Variants in NUP58 observed in about 807,000 individuals in gnomAD.
NUP58 encodes nucleoporin p58/p45.
In NUP58, 17 loss-of-function variants were observed where a neutral mutation model predicts 70.1. That is an observed-to-expected ratio of 0.24 (90% confidence interval 0.17 to 0.36). The LOEUF (loss-of-function observed/expected upper bound fraction) is 0.36. Among genes scored for constraint, NUP58 ranks in the 10% least tolerant of loss-of-function variants. The pLI, the probability that NUP58 is intolerant of heterozygous loss-of-function variation, is 1.00. For synonymous variants in NUP58, 275 were observed against 257.6 expected (o/e 1.07, Z -0.65); for missense variants, 644 against 701.5 (o/e 0.92, Z 0.93).
At chr13:25,349,320 G>T (rs1287222103) in intron 3 of NUP58, among the ~76,000 whole-genome samples, 3 of 152,116 alleles carry the variant, frequency 2.0e-5, no homozygotes, top group African/African-American at 7.2e-5. Flanking sequence ...TATAGGCCTT[G>T]GAACCATGCT....
At chr13:25,310,053 T>TC in intron 3 of NUP58, 1 of 397,252 alleles carries the variant, frequency 2.5e-6, no homozygotes, top group Non-Finnish European at 5.0e-6. Context: ...TGCTTTTTTT[T>TC]CCCCTATCAG....
intron 13 of NUP58, chr13:25,335,668 A>C (rs1035187266): frequency 2.0e-6 from 2 of 985,158 alleles, no homozygotes; most frequent in African/African-American, 3.5e-5. Flanking sequence ...CGAAAAGTCC[A>C]GTTTCTGTCC....
intron 9 of NUP58, among the ~76,000 whole-genome samples, chr13:25,321,726 G>C (rs543251729): frequency 6.6e-6 from 1 of 152,262 alleles, no homozygotes; most frequent in African/African-American, 2.4e-5. Context: ...AGACCAGTCT[G>C]ACCAACATGC....
chr13:25,326,112 CATACTT>C (rs1249514060), intron 10 of NUP58, among the ~76,000 whole-genome samples: 1 of 152,172 alleles, frequency 6.6e-6, no homozygotes, highest in African/African-American at 2.4e-5. Flanking sequence ...AGGATATTCT[CATACTT>C]AACAGTTCTC....
chr13:25,332,813 C>A (rs1184062494), intron 13 of NUP58: 1 of 985,402 alleles, frequency 1.0e-6, no homozygotes, highest in African/African-American at 1.7e-5. Flanking sequence ...GGGAAAAAGT[C>A]ATTATGGGAT....
intron 14 of NUP58, among the ~76,000 whole-genome samples, chr13:25,337,495 A>G (rs1208284006): frequency 1.3e-5 from 2 of 152,166 alleles, no homozygotes; most frequent in Non-Finnish European, 2.9e-5. Flanking sequence ...TTCTAAGCAC[A>G]TTTGGCAAAT....
At chr13:25,315,609 T>C in intron 6 of NUP58, 142 bp downstream of exon 6, 1 of 592,310 alleles carries the variant, frequency 1.7e-6, no homozygotes, top group Non-Finnish European at 3.0e-6. Flanking sequence ...TACGAATATG[T>C]ATTTTTTAAT....
At chr13:25,348,404 ATGTT>A (rs1415827761) in intron 3 of NUP58, among the ~76,000 whole-genome samples, 1 of 152,136 alleles carries the variant, frequency 6.6e-6, no homozygotes, top group African/African-American at 2.4e-5. Flanking sequence ...ATATTTCAAA[ATGTT>A]TGTTTCCTTG....
rs372072224 is a variant in NUP58, at chr13:25,313,603, T to A, written c.437-11T>A. Reference sequence around the variant, plus strand: ...TTGCCTTTTGAAAGCTTACTATCTCTCTTTTTATAGCATCCACAGGATTTA... The same window carrying A: ...TTGCCTTTTGAAAGCTTACTATCTCACTTTTTATAGCATCCACAGGATTTA... On this transcript the variant is annotated splice_polypyrimidine_tract_variant and intron_variant, in intron 4 of 15. Transcript: ENST00000381736. 53 of 1,482,756 alleles carry A rather than the reference T, an allele frequency of 3.6e-5. No individual in the cohort carries two copies. The highest frequency in any genetic ancestry group is 4.6e-5 in the Non-Finnish European group (52 of 1,125,288). The allele number at this position is 1,482,756 out of a possible 1,614,324, so 91.8% of individuals were successfully genotyped here.
At chr13:25,333,285 G>A (rs1351401769) in intron 13 of NUP58, 1 of 985,184 alleles carries the variant, frequency 1.0e-6, no homozygotes, top group Non-Finnish European at 1.2e-6. Flanking sequence ...TACAAAGGTA[G>A]ACAATATAGA....
Position 25,338,677 on chromosome 13 carries a change from G to C in NUP58, c.1576G>C (p.Ala526Pro), listed in dbSNP as rs1326646657. 1.9e-6 allele frequency: 3 copies of C among 1,613,814 alleles called. No individual in the cohort carries two copies. The South Asian group carries it at 3.3e-5, about 18-fold the overall frequency. ...SSGFGCSTTG[A>P]STFGFGTTNK... ...TGGTTTTGGATGCAGCACCACAGGG[G>C]CCTCCACATTTGGATTTGGAACAAC... Residue 526 changes from alanine (A) to proline (P), a missense_variant, in exon 15 of 16, where the codon GCC (alanine) becomes CCC (proline). This residue lies in a region of NUP58 where 132 missense variants were observed against 203.9 expected (regional missense o/e 0.65). Transcript: ENST00000381736.
At chr13:25,343,312 T>TA (rs1275591147), downstream of NUP58, among the ~76,000 whole-genome samples, 1 of 151,378 alleles carries the variant, frequency 6.6e-6, no homozygotes, top group Non-Finnish European at 1.5e-5. Context: ...TTTAAATTTT[T>TA]ATTTATTTAT....
In NUP58 at chr13:25,319,165, G is replaced by A. The variant is rs115393008; in HGVS notation, c.686-161G>A. Among the ~76,000 whole-genome samples, 733 of 152,294 alleles carry A rather than the reference G, an allele frequency of 4.8e-3. 7 individuals are homozygous for A. The highest frequency in any genetic ancestry group is 0.017 in the African/African-American group (703 of 41,566). ...TCTTCATAAAATGCTTTGCTTCTGA[G>A]TTCATGATGAGTCATGACATCACAT... On this transcript the variant is annotated intron_variant, in intron 6 of 15. Coordinates refer to ENST00000381736, the MANE Select transcript of NUP58 (RefSeq NM_014089.4).
chr13:25,331,725 A>C, intron 13 of NUP58, 167 bp downstream of exon 13: 1 of 1,430,312 alleles, frequency 7.0e-7, no homozygotes, highest in Non-Finnish European at 9.2e-7. Flanking sequence ...CCTGATAAAA[A>C]AGGCAGGGTA....
intron 12 of NUP58, among the ~76,000 whole-genome samples, chr13:25,327,762 CTA>C (rs1473963545): frequency 2.6e-5 from 4 of 152,014 alleles, no homozygotes; most frequent in Non-Finnish European, 5.9e-5. Context: ...GAATAACTTT[CTA>C]TGTTAATACA....
intron 1 of NUP58, among the ~76,000 whole-genome samples, chr13:25,305,246 T>G: frequency 6.7e-6 from 1 of 149,166 alleles, no homozygotes; most frequent in Admixed American, 6.7e-5. Flanking sequence ...TGGGCTAAAG[T>G]GATCTTTCCA....
At chr13:25,337,865 C>A (rs1593202096) in intron 14 of NUP58, among the ~76,000 whole-genome samples, 2 of 152,204 alleles carry the variant, frequency 1.3e-5, no homozygotes, top group African/African-American at 4.8e-5. Flanking sequence ...CTGTCACACT[C>A]AGTATTTTAG....
chr13:25,337,803 A>G (rs1029087115), intron 14 of NUP58, among the ~76,000 whole-genome samples: 6 of 152,172 alleles, frequency 3.9e-5, no homozygotes, highest in South Asian at 2.1e-4. Flanking sequence ...CATAATTCCT[A>G]TAATCTATAA....
intron 3 of NUP58, among the ~76,000 whole-genome samples, chr13:25,311,673 CTTTT>C (rs149489423): frequency 6.6e-5 from 8 of 121,920 alleles, no homozygotes; most frequent in African/African-American, 9.0e-5. Flanking sequence ...CGGCACCTGT[CTTTT>C]TTTTTTTTTT....
Sources: allele counts gnomAD v4.1 joint callset (sites outside exome capture counted in the v4.1 genomes callset), GRCh38; gene constraint gnomAD v4.1.1; regional missense constraint gnomAD v4.1.1; transcripts MANE v1.5; gene names NCBI Gene and HGNC (gene_info 2026-07-23, HGNC 2026-07-21).